ANKFN1: variants seen among roughly 807,000 people sequenced by gnomAD.
The protein encoded by ANKFN1 is ankyrin repeat and fibronectin type-III domain-containing protein 1.
In ANKFN1, 74 loss-of-function variants were observed where a neutral mutation model predicts 108.7. That is an observed-to-expected ratio of 0.68 (90% CI 0.56 to 0.83). The LOEUF is 0.83. Ranked by LOEUF, ANKFN1 falls within the 40% of genes least tolerant of loss-of-function variation. ANKFN1 has a pLI of 0.00. For missense variants in ANKFN1, 1,505 were observed against 1,382.3 expected (o/e 1.09, Z -1.41); for synonymous variants, 547 against 516.2 (o/e 1.06, Z -0.81).
At chr17:56,115,476 G>T (rs1906212948) in intron 4 of ANKFN1, among the ~76,000 whole-genome samples, 1 of 152,144 alleles carries the variant, frequency 6.6e-6, no homozygotes, top group East Asian at 1.9e-4. Context: ...AATTATATAT[G>T]TTAATAATCT....
At chr17:56,349,162 G>A (rs1458132140) in intron 4 of ANKFN1, among the ~76,000 whole-genome samples, 3 of 152,096 alleles carry the variant, frequency 2.0e-5, no homozygotes, top group African/African-American at 7.2e-5. Context: ...TCACTTATAA[G>A]TAGGAGCTGG....
chr17:56,172,514 T>C (rs1910772898), intron 1 of ANKFN1, among the ~76,000 whole-genome samples: 1 of 151,986 alleles, frequency 6.6e-6, no homozygotes, highest in African/African-American at 2.4e-5. Context: ...CTCAGTATGA[T>C]ACAAAAGGCA....
intron 18 of ANKFN1, among the ~76,000 whole-genome samples, chr17:56,484,865 G>A (rs1489384826): frequency 4.6e-5 from 7 of 152,092 alleles, no homozygotes; most frequent in African/African-American, 1.7e-4. Context: ...TGCCTCAATG[G>A]CTTTGGTGGG....
intron 4 of ANKFN1, among the ~76,000 whole-genome samples, chr17:56,133,625 G>A (rs1356876259): frequency 7.3e-6 from 1 of 136,430 alleles, no homozygotes; most frequent in Non-Finnish European, 1.7e-5. Context: ...GACTTTCTGG[G>A]CTACATTCCA....
rs1555588754 is a variant in ANKFN1 at position 56,055,557 on chromosome 17, G to GTATATATACATATATATATATATA, written c.288+9240_288+9263dup. On this transcript the variant is annotated intron_variant, in intron 4 of 12. Transcript: ENST00000635860. ...CTAATGTGGTATATGTGTGTGTGTG[G>GTATATATACATATATATATATATA]TATATATACATATATATATATATAT... 6.2e-4 allele frequency among the ~76,000 whole-genome samples: 13 copies of GTATATATACATATATATATATATA among 20,946 alleles called. 1 individual carries two copies. The highest frequency in any genetic ancestry group is 2.9e-3 in the African/African-American group (11 of 3,762). The allele number at this position is 20,946 out of a possible 152,430, so 13.7% of individuals were successfully genotyped here.
intron 8 of ANKFN1, among the ~76,000 whole-genome samples, chr17:56,419,889 C>T (rs1472539039): frequency 6.6e-6 from 1 of 151,812 alleles, no homozygotes; most frequent in African/African-American, 2.4e-5. Context: ...ATATGGATTC[C>T]CTTTAGCATA....
chr17:56,155,772 T>C (rs1909045902), intron 1 of ANKFN1, among the ~76,000 whole-genome samples: 1 of 152,086 alleles, frequency 6.6e-6, no homozygotes, highest in Non-Finnish European at 1.5e-5. Context: ...ACAGGGGCCT[T>C]GTAGGTCATG....
chr17:56,238,949 CAA>C (rs1188973318), intron 3 of ANKFN1, among the ~76,000 whole-genome samples: 1 of 151,928 alleles, frequency 6.6e-6, no homozygotes, highest in Non-Finnish European at 1.5e-5. Flanking sequence ...TTTTTTTTCT[CAA>C]GTTACAATTT....
intron 3 of ANKFN1, among the ~76,000 whole-genome samples, chr17:56,248,275 G>T (rs543860190): frequency 3.9e-5 from 6 of 152,280 alleles, no homozygotes; most frequent in Admixed American, 2.6e-4. Context: ...AGTATGAGAA[G>T]CCTTGGTGCA....
intron 3 of ANKFN1, among the ~76,000 whole-genome samples, chr17:56,274,850 G>C (rs2043883438): frequency 6.6e-6 from 1 of 152,162 alleles, no homozygotes; most frequent in Non-Finnish European, 1.5e-5. Flanking sequence ...TGGACCCAAG[G>C]TTAAAGGCCA....
chr17:56,070,468 C>A (rs1905105801), intron 4 of ANKFN1, among the ~76,000 whole-genome samples: 1 of 152,126 alleles, frequency 6.6e-6, no homozygotes, highest in South Asian at 2.1e-4. Context: ...GGATTTAGGG[C>A]CCATCCTCAA....
chr17:56,168,916 T>A (rs1465403469), intron 1 of ANKFN1, among the ~76,000 whole-genome samples: 1 of 152,176 alleles, frequency 6.6e-6, no homozygotes, highest in Non-Finnish European at 1.5e-5. Flanking sequence ...GCTTCTAGAA[T>A]TTTGACTAGA....
chr17:56,378,204 T>C (rs772688778), intron 8 of ANKFN1, among the ~76,000 whole-genome samples: 1 of 152,186 alleles, frequency 6.6e-6, no homozygotes, highest in Non-Finnish European at 1.5e-5. Context: ...AGTTTCTTTC[T>C]CAGGAGAAGC....
intron 6 of ANKFN1, among the ~76,000 whole-genome samples, chr17:56,370,989 T>C (rs534857220): frequency 1.3e-5 from 2 of 151,946 alleles, no homozygotes; most frequent in African/African-American, 4.8e-5. Context: ...TACCCCATCA[T>C]TGCTTCCCTA....
intron 10 of ANKFN1, 130 bp downstream of exon 10, chr17:56,443,063 G>A: frequency 1.3e-6 from 1 of 765,812 alleles, no homozygotes; most frequent in South Asian, 1.9e-5. Flanking sequence ...GCAGCATCTG[G>A]GCCACATAAT....
At chr17:56,489,175 G>A (rs1284274270) in intron 18 of ANKFN1, among the ~76,000 whole-genome samples, 2 of 152,138 alleles carry the variant, frequency 1.3e-5, no homozygotes, top group African/African-American at 2.4e-5. Flanking sequence ...ATGTTAGTCT[G>A]CCACTATCTT....
At chr17:56,385,608 TCAAA>T (rs1319830570) in intron 8 of ANKFN1, among the ~76,000 whole-genome samples, 1 of 152,014 alleles carries the variant, frequency 6.6e-6, no homozygotes, top group Non-Finnish European at 1.5e-5. Flanking sequence ...TACAATGAAC[TCAAA>T]CAAATTTACA....
chr17:56,324,075 A>G (rs2144523218), intron 3 of ANKFN1, among the ~76,000 whole-genome samples: 1 of 152,304 alleles, frequency 6.6e-6, no homozygotes. Flanking sequence ...AACACCCATC[A>G]TATTTGATGA....
intron 3 of ANKFN1, among the ~76,000 whole-genome samples, chr17:56,268,257 A>G (rs1015015702): frequency 6.6e-6 from 1 of 152,228 alleles, no homozygotes; most frequent in African/African-American, 2.4e-5. Context: ...CACAATAAAA[A>G]TAGAAATCAA....
Sources: allele counts gnomAD v4.1 joint callset (sites outside exome capture counted in the v4.1 genomes callset), GRCh38; gene constraint gnomAD v4.1.1; transcripts MANE v1.5; gene names NCBI Gene and HGNC (gene_info 2026-07-23, HGNC 2026-07-21).